CNTNAP4: variants seen among roughly 807,000 people sequenced by gnomAD.
CNTNAP4 encodes the protein contactin associated protein family member 4.
A neutral mutation model predicts 148.4 loss-of-function variants in CNTNAP4; 98 were observed. The observed-to-expected ratio is 0.66, with a 90% CI of 0.56 to 0.78. The LOEUF (loss-of-function observed/expected upper bound fraction) is 0.78. CNTNAP4 is among the 30% of genes least tolerant of loss of function. The pLI, the probability that CNTNAP4 is intolerant of heterozygous loss-of-function variation, is 0.00. For missense variants in CNTNAP4, 1,935 were observed against 1,565.6 expected (o/e 1.24, Z -3.98); for synonymous variants, 730 against 565.1 (o/e 1.29, Z -4.14).
At chr16:76,369,284 A>AT in intron 3 of CNTNAP4, among the ~76,000 whole-genome samples, 1 of 152,284 alleles carries the variant, frequency 6.6e-6, no homozygotes, top group South Asian at 2.1e-4. Context: ...TTTCTTTAAA[A>AT]TTTTTAAGCT....
intron 15 of CNTNAP4, among the ~76,000 whole-genome samples, chr16:76,520,715 A>G (rs1181125386): frequency 1.3e-5 from 2 of 152,160 alleles, no homozygotes; most frequent in African/African-American, 4.8e-5. Context: ...AAGTGTTAGA[A>G]CAAAAAATAC....
intron 21 of CNTNAP4, among the ~76,000 whole-genome samples, chr16:76,551,404 A>AAT (rs71272457): frequency 0.13 from 18,354 of 139,292 alleles, 1,348 homozygotes; most frequent in East Asian, 0.22. Flanking sequence ...TTAAAAAAAA[A>AAT]ATATATATAT....
intron 1 of CNTNAP4, among the ~76,000 whole-genome samples, chr16:76,286,931 C>G (rs1352649112): frequency 1.3e-5 from 2 of 152,098 alleles, no homozygotes; most frequent in Non-Finnish European, 2.9e-5. Context: ...TGAGGGAATT[C>G]TATGCAAGGT....
chr16:76,491,622 C>G (rs2082225066), intron 13 of CNTNAP4, among the ~76,000 whole-genome samples: 1 of 151,904 alleles, frequency 6.6e-6, no homozygotes, highest in South Asian at 2.1e-4. Flanking sequence ...AACAGATAAG[C>G]AAATCTGGAA....
intron 15 of CNTNAP4, among the ~76,000 whole-genome samples, chr16:76,501,989 A>G (rs1292339999): frequency 6.6e-6 from 1 of 151,690 alleles, no homozygotes; most frequent in Non-Finnish European, 1.5e-5. Context: ...GAATGGCGTG[A>G]ACCTGGGAGG....
intron 1 of CNTNAP4, among the ~76,000 whole-genome samples, chr16:76,312,991 A>T (rs1193642854): frequency 6.6e-6 from 1 of 152,138 alleles, no homozygotes; most frequent in Non-Finnish European, 1.5e-5. Flanking sequence ...GTGTATGCCC[A>T]TGGTAAAGAA....
chr16:76,358,350 C>T (rs904435199), intron 3 of CNTNAP4, among the ~76,000 whole-genome samples: 1 of 151,978 alleles, frequency 6.6e-6, no homozygotes, highest in Non-Finnish European at 1.5e-5. Flanking sequence ...ACAAAACAAA[C>T]AGCAACAACA....
chr16:76,373,295 A>G (rs1321627154), intron 3 of CNTNAP4, among the ~76,000 whole-genome samples: 6 of 149,932 alleles, frequency 4.0e-5, no homozygotes, highest in African/African-American at 1.0e-4. Context: ...TAAATATGTG[A>G]AATATATTCC....
At chr16:76,519,931 C>A (rs926737883) in intron 15 of CNTNAP4, among the ~76,000 whole-genome samples, 1 of 152,138 alleles carries the variant, frequency 6.6e-6, no homozygotes, top group Non-Finnish European at 1.5e-5. Context: ...TTAAGAAACA[C>A]GTATAAGCAA....
At chr16:76,516,706 A>G (rs2083266222) in intron 15 of CNTNAP4, among the ~76,000 whole-genome samples, 1 of 152,252 alleles carries the variant, frequency 6.6e-6, no homozygotes, top group African/African-American at 2.4e-5. Context: ...ATACCATGGA[A>G]TACTACTCAG....
intron 10 of CNTNAP4, among the ~76,000 whole-genome samples, chr16:76,470,495 A>ATATATATGTATT: frequency 7.5e-6 from 1 of 133,954 alleles, no homozygotes; most frequent in East Asian, 2.2e-4. Context: ...ATATATATAT[A>ATATATATGTATT]TAAAATTAGT....
rs546514579 is a variant in CNTNAP4, at chr16:76,436,749, C to G, written c.538+9150C>G. ...GGAGTGTCCAATGCATTAATTTTGCCTAACTCTCTAAACAGTTCATGCCAA... is the reference window on the plus strand; with the variant it reads ...GGAGTGTCCAATGCATTAATTTTGCGTAACTCTCTAAACAGTTCATGCCAA... On this transcript the variant is annotated intron_variant, in intron 4 of 23. Coordinates refer to ENST00000611870, the MANE Select transcript of CNTNAP4 (RefSeq NM_033401.5). Among the ~76,000 whole-genome samples the G allele has an allele frequency of 1.4e-4, 21 of 152,202 alleles. No individual in the cohort carries two copies. In the South Asian group the frequency reaches 4.2e-3, roughly 30 times the overall value.
chr16:76,295,069 G>A (rs1346598845), intron 1 of CNTNAP4, among the ~76,000 whole-genome samples: 1 of 152,100 alleles, frequency 6.6e-6, no homozygotes, highest in Non-Finnish European at 1.5e-5. Context: ...GCCACTTCCT[G>A]GTCCTGTAGA....
At chr16:76,284,370 A>G (rs1052822829) in intron 1 of CNTNAP4, among the ~76,000 whole-genome samples, 1 of 151,958 alleles carries the variant, frequency 6.6e-6, no homozygotes, top group Non-Finnish European at 1.5e-5. Flanking sequence ...TCAAATGCTA[A>G]TATCAGTTTG....
intron 4 of CNTNAP4, among the ~76,000 whole-genome samples, chr16:76,445,314 C>G (rs2080199322): frequency 6.6e-6 from 1 of 152,086 alleles, no homozygotes; most frequent in African/African-American, 2.4e-5. Context: ...CTTTTATGAA[C>G]TTAGTTGTTT....
chr16:76,378,358 G>A (rs1311453977), intron 3 of CNTNAP4, among the ~76,000 whole-genome samples: 1 of 152,218 alleles, frequency 6.6e-6, no homozygotes, highest in Admixed American at 6.5e-5. Flanking sequence ...AGACAGCAGT[G>A]GAAAACCAGG....
rs142063319 is a variant in CNTNAP4, at chr16:76,452,688, G to A, written c.1252G>A (p.Gly418Ser). 2.8e-5 allele frequency: 45 copies of A among 1,613,390 alleles called. No homozygotes were observed. In the East Asian group the frequency reaches 9.1e-4, roughly 33 times the overall value. The change falls in exon 8 of 24, where the codon GGT (glycine) becomes AGT (serine). Residue 418 changes from glycine (G) to serine (S), a missense_variant. Coordinates refer to ENST00000611870, the MANE Select transcript of CNTNAP4 (RefSeq NM_033401.5). ...CAGTGAACTTCAGCTGATTTCAGGG[G>A]GTATCCTCCTCTTTCTGAGTGATGG... ...LFSELQLISG[G>S]ILLFLSDGKL... is the part of the protein sequence containing the mutation.
rs75708929 is a variant in CNTNAP4, at chr16:76,536,773, A to C, written c.2995+989A>C. Among the ~76,000 whole-genome samples the C allele has an allele frequency of 3.7e-3, 570 of 152,280 alleles. 5 individuals carry two copies. Among genetic ancestry groups the C allele is most frequent in the African/African-American group, 0.013 (544 of 41,542 alleles). On this transcript the variant is annotated intron_variant, in intron 18 of 23. Coordinates refer to ENST00000611870, the MANE Select transcript of CNTNAP4 (RefSeq NM_033401.5). Reference sequence around the variant, plus strand: ...GGAAGAAGAAAAGAACAGTTGTAGGATTAAGTGTTCTGGACAGACTTCCAT... The same window carrying C: ...GGAAGAAGAAAAGAACAGTTGTAGGCTTAAGTGTTCTGGACAGACTTCCAT...
intron 18 of CNTNAP4, among the ~76,000 whole-genome samples, chr16:76,536,636 G>A (rs1169620803): frequency 6.6e-6 from 1 of 152,098 alleles, no homozygotes; most frequent in East Asian, 1.9e-4. Flanking sequence ...TACAAAAATA[G>A]ACACATTTAT....
Sources: gnomAD v4.1 joint callset for allele counts (sites outside exome capture counted in the v4.1 genomes callset) on GRCh38, gnomAD v4.1.1 for gene constraint, MANE v1.5 for transcripts, NCBI Gene and HGNC (gene_info 2026-07-23, HGNC 2026-07-21) for gene names.